The following DGAT2 variants were observed in gnomAD, a reference collection of about 807,000 sequenced individuals.
The protein encoded by DGAT2 is acyl-CoA retinol O-fatty-acyltransferase.
Under a neutral mutation model 48.4 loss-of-function variants are expected in DGAT2, and 33 were observed. That is an observed-to-expected ratio of 0.68 (90% CI 0.52 to 0.91). The LOEUF (loss-of-function observed/expected upper bound fraction) is 0.91, where lower values mean the gene tolerates loss of function less well. DGAT2 is among the 40% of genes least tolerant of loss of function. The probability of loss-of-function intolerance (pLI) is 0.00; values close to 1 mark genes in which losing one functional copy is unlikely to be tolerated. For synonymous variants in DGAT2, 191 were observed against 194.1 expected, an observed-to-expected ratio of 0.98 and a Z score of 0.13; for missense variants, 446 against 493.7, an observed-to-expected ratio of 0.90 and a Z score of 0.92.
At chr11:75,788,219 T>TG (rs1214192849) in intron 2 of DGAT2, among the ~76,000 whole-genome samples, 1 of 152,122 alleles carries the variant, frequency 6.6e-6, no homozygotes, top group African/African-American at 2.4e-5. Flanking sequence ...CTGTAGAGTC[T>TG]GGGGGGCTAG....
intron 4 of DGAT2, chr11:75,792,295 C>T (rs909140067): frequency 6.6e-6 from 1 of 152,328 alleles, no homozygotes; most frequent in Non-Finnish European, 1.5e-5. Flanking sequence ...TGAGGGCTCC[C>T]TGGGGCACTA....
chr11:75,787,484 CA>C (rs1454599641), intron 2 of DGAT2, among the ~76,000 whole-genome samples: 1 of 152,214 alleles, frequency 6.6e-6, no homozygotes, highest in Non-Finnish European at 1.5e-5. Context: ...TTTTGTATCA[CA>C]AGTGTCTTTG....
chr11:75,778,137 C>T (rs889222872), intron 1 of DGAT2, among the ~76,000 whole-genome samples: 4 of 152,188 alleles, frequency 2.6e-5, no homozygotes, highest in African/African-American at 9.7e-5. Flanking sequence ...AGGAAGCCAC[C>T]TTTGACTACT....
In DGAT2 at chr11:75,781,694, C is replaced by T. The variant is rs562840800; in HGVS notation, c.122-2924C>T. On this transcript the variant is annotated intron_variant, in intron 1 of 7. Transcript: ENST00000228027. Reference sequence around the variant, plus strand: ...ACTTGTTGGCAGAGCGAGCTGTGGGCGGTAGTTGGGGCTGGATAAGGCAGG... The same window carrying T: ...ACTTGTTGGCAGAGCGAGCTGTGGGTGGTAGTTGGGGCTGGATAAGGCAGG... Among the ~76,000 whole-genome samples the T allele has an allele frequency of 2.2e-4, 33 of 152,224 alleles. No homozygotes were observed. In the East Asian group the frequency reaches 5.2e-3, roughly 24 times the overall value.
intron 4 of DGAT2, 86 bp downstream of exon 4, chr11:75,790,817 GT>G (rs2135774476): frequency 7.2e-7 from 1 of 1,389,604 alleles, no homozygotes; most frequent in Non-Finnish European, 1.0e-6. Context: ...AGGGAAGCAA[GT>G]TTAGACCAAG....
intron 7 of DGAT2, among the ~76,000 whole-genome samples, chr11:75,799,616 T>A (rs77333794): frequency 0.03 from 4,632 of 152,054 alleles, 264 homozygotes; most frequent in African/African-American, 0.1. Flanking sequence ...TTTTTATTTT[T>A]TTTTTTTTTA....
chr11:75,774,110 A>C (rs1432108126), intron 1 of DGAT2: 5 of 152,338 alleles, frequency 3.3e-5, no homozygotes, highest in Non-Finnish European at 7.3e-5. Context: ...CTGCAGCAGG[A>C]GGAAGACTTG....
rs1174257201 is a variant in DGAT2 at position 75,800,579 on chromosome 11, T to C, written c.*71T>C. The C allele has an allele frequency of 2.0e-6, 3 of 1,524,046 alleles. No homozygotes were observed. The highest frequency in any genetic ancestry group is 1.2e-5 in the South Asian group (1 of 81,840). 94.4% of individuals were successfully genotyped at this position (1,524,046 alleles called of 1,614,324 possible). ...CTTTTTTGCTCTGTAAATTTGGAAG[T>C]GTCATGGGTGTCTGTGGGTTATTTA... On this transcript the variant is annotated 3_prime_UTR_variant, in exon 8 of 8. Transcript: ENST00000228027.
intron 2 of DGAT2, among the ~76,000 whole-genome samples, chr11:75,785,738 A>G (rs1056038716): frequency 6.6e-6 from 1 of 152,214 alleles, no homozygotes; most frequent in Non-Finnish European, 1.5e-5. Flanking sequence ...GTAGGGGATC[A>G]TCAGGACTTA....
chr11:75,781,029 C>T (rs73504565), intron 1 of DGAT2, among the ~76,000 whole-genome samples: 7,832 of 152,298 alleles, frequency 0.051, 684 homozygotes, highest in African/African-American at 0.18. Context: ...CTTCGGGCAG[C>T]TTCCAGTGTG....
intron 1 of DGAT2, among the ~76,000 whole-genome samples, chr11:75,780,203 G>T (rs1174402917): frequency 6.6e-6 from 1 of 152,192 alleles, no homozygotes; most frequent in African/African-American, 2.4e-5. Flanking sequence ...GTGGCATGTG[G>T]TGGCATCTGA....
At chr11:75,785,465 T>C (rs969034309) in intron 2 of DGAT2, among the ~76,000 whole-genome samples, 1 of 152,122 alleles carries the variant, frequency 6.6e-6, no homozygotes, top group African/African-American at 2.4e-5. Context: ...CCCACATCGG[T>C]GCTTTGGTTG....
chr11:75,800,522 G>A lies in DGAT2; in HGVS notation c.*14G>A, dbSNP rs376872494. The A allele has an allele frequency of 9.3e-6, 15 of 1,612,454 alleles. No homozygotes were observed. In the African/African-American group the frequency reaches 1.7e-4, roughly 19 times the overall value. ...GAGGTGAACTGAGCCAGCCTTCGGG[G>A]CCAATTCCCTGGAGGAACCAGCTGC... On this transcript the variant is annotated 3_prime_UTR_variant, in exon 8 of 8. Coordinates refer to ENST00000228027, the MANE Select transcript of DGAT2 (RefSeq NM_032564.5).
chr11:75,797,265 A>C lies in DGAT2; in HGVS notation c.742A>C (p.Met248Leu), dbSNP rs752648666. 2 of 1,578,556 alleles carry C rather than the reference A, an allele frequency of 1.3e-6. No individual in the cohort carries two copies. Among genetic ancestry groups the C allele is most frequent in the South Asian group, 2.3e-5 (2 of 86,304 alleles). The change falls in exon 6 of 8, where the codon ATG becomes CTG. Residue 248 changes from methionine to leucine, a missense_variant. Met to Leu is a conservative substitution (Grantham distance 15). Transcript: ENST00000228027. ...GGGTGCGGCTGAGTCTCTGAGCTCC[A>C]TGCCTGGCAAGAATGCAGTCACCCT... ...VGGAAESLSS[M>L]PGKNAVTLRN...
At chr11:75,781,548 C>T (rs1323069648) in intron 1 of DGAT2, among the ~76,000 whole-genome samples, 1 of 152,272 alleles carries the variant, frequency 6.6e-6, no homozygotes, top group Non-Finnish European at 1.5e-5. Flanking sequence ...CCAACTCTAA[C>T]GCCCACGGAA....
At chr11:75,796,759 C>A (rs1945061106) in intron 5 of DGAT2, 4 of 567,098 alleles carry the variant, frequency 7.1e-6, no homozygotes, top group Non-Finnish European at 1.2e-5. Context: ...CCTTCTTTGA[C>A]CCCCTTTTCT....
chr11:75,789,148 GTT>G (rs1215243919), intron 2 of DGAT2, among the ~76,000 whole-genome samples: 2 of 144,428 alleles, frequency 1.4e-5, no homozygotes, highest in Non-Finnish European at 3.1e-5. Context: ...TGCTGTTAGG[GTT>G]TTTTTTTTTT....
chr11:75,786,296 G>A (rs1944922036), intron 2 of DGAT2, among the ~76,000 whole-genome samples: 1 of 152,134 alleles, frequency 6.6e-6, no homozygotes, highest in Admixed American at 6.5e-5. Flanking sequence ...AAAAGGAAGT[G>A]GAGGCCTGGC....
In DGAT2 at chr11:75,790,243, C is replaced by G. The variant is rs141761283; in HGVS notation, c.306C>G (p.Ile102Met). 1.9e-6 allele frequency: 3 copies of G among 1,614,186 alleles called. No homozygotes were observed. Among genetic ancestry groups the G allele is most frequent in the Middle Eastern group, 3.3e-4 (2 of 6,058 alleles). ...MYIFCTDCWL[I>M]AVLYFTWLVF... ...TATTCTGCACTGATTGCTGGCTCATCGCTGTGCTCTACTTCACTTGGCTGG... is the reference window on the plus strand; with the variant it reads ...TATTCTGCACTGATTGCTGGCTCATGGCTGTGCTCTACTTCACTTGGCTGG... Residue 102 changes from isoleucine to methionine, a missense_variant, in exon 3 of 8, where the codon ATC (isoleucine) becomes ATG (methionine). By Grantham distance (10) the Ile-to-Met change is conservative. Transcript: ENST00000228027.
Sources: allele counts gnomAD v4.1 joint callset (sites outside exome capture counted in the v4.1 genomes callset), GRCh38; gene constraint gnomAD v4.1.1; transcripts MANE v1.5; gene names NCBI Gene and HGNC (gene_info 2026-07-23, HGNC 2026-07-21).